GGTA1: variants seen among roughly 807,000 people sequenced by gnomAD.
GGTA1 encodes the protein inactive N-acetyllactosaminide alpha-1,3-galactosyltransferase.
A neutral mutation model predicts 2.6 loss-of-function variants in GGTA1; 5 were observed. That is an observed-to-expected ratio of 1.92 (90% CI 1.00 to 4.04). GGTA1 has a LOEUF of 4.04. Among genes scored for constraint, GGTA1 ranks in the 30% most tolerant of loss-of-function variants. The pLI, the probability that GGTA1 is intolerant of heterozygous loss-of-function variation, is 0.00. For synonymous variants in GGTA1, 17 were observed against 5.0 expected (o/e 3.38, Z -3.19); for missense variants, 50 against 16.7 (o/e 2.99, Z -3.47).
intron 5 of GGTA1, among the ~76,000 whole-genome samples, chr9:121,458,614 A>G (rs759909423): frequency 1.7e-4 from 24 of 145,038 alleles, no homozygotes; most frequent in Middle Eastern, 6.9e-3. Flanking sequence ...TGGCAGAATG[A>G]GACCCTGTCT....
intron 1 of GGTA1, among the ~76,000 whole-genome samples, chr9:121,478,412 A>G (rs1453312420): frequency 2.6e-5 from 4 of 152,188 alleles, no homozygotes; most frequent in African/African-American, 4.8e-5. Context: ...GCAAAGGGGC[A>G]TAGCTTGCCA....
chr9:121,499,032 A>G (rs937324137), intron 1 of GGTA1, among the ~76,000 whole-genome samples: 3 of 151,806 alleles, frequency 2.0e-5, no homozygotes, highest in Non-Finnish European at 2.9e-5. Context: ...CCCGCCTCCC[A>G]TCGCCCCAGT....
chr9:121,448,761 AC>A (rs1490630236), intron 7 of GGTA1, among the ~76,000 whole-genome samples: 3 of 152,122 alleles, frequency 2.0e-5, no homozygotes, highest in Non-Finnish European at 4.4e-5. Context: ...TCCACTATCA[AC>A]ATCCCTGCAC....
chr9:121,464,988 C>CCAA (rs2064992341), intron 2 of GGTA1, among the ~76,000 whole-genome samples: 1 of 121,854 alleles, frequency 8.2e-6, no homozygotes, highest in African/African-American at 3.0e-5. Context: ...CGTAAAGTGG[C>CCAA]AAAAAAACAA....
intron 5 of GGTA1, among the ~76,000 whole-genome samples, chr9:121,458,533 G>A (rs907898233): frequency 2.0e-5 from 3 of 151,870 alleles, no homozygotes; most frequent in Non-Finnish European, 2.9e-5. Context: ...AGGCTGAGGC[G>A]GGAGGATCAC....
chr9:121,455,729 C>T lies in GGTA1; in HGVS notation c.*108G>A, dbSNP rs189423816. 2.6e-6 allele frequency: 1 copy of T among 390,974 alleles called. No homozygotes were observed. Among genetic ancestry groups the T allele is most frequent in the Non-Finnish European group, 5.1e-6 (1 of 195,104 alleles). 24.2% of individuals were successfully genotyped at this position (390,974 alleles called of 1,614,324 possible). ...CCCCTTGAGAATCTCGCAGTCCCAA[C>T]AGGTGGTCCGCCTGTTACACACTCC... On this transcript the variant is annotated 3_prime_UTR_variant, in exon 6 of 6. Coordinates refer to ENST00000481799, the MANE Select transcript of GGTA1 (RefSeq NM_001382585.1).
At chr9:121,456,065 T>A (rs1369341011) in intron 5 of GGTA1, among the ~76,000 whole-genome samples, 2 of 150,426 alleles carry the variant, frequency 1.3e-5, no homozygotes, top group African/African-American at 2.5e-5. Flanking sequence ...CATCAAGGAG[T>A]CTTAGTCATC....
chr9:121,463,578 C>T (rs913090264), intron 2 of GGTA1, among the ~76,000 whole-genome samples: 3 of 152,160 alleles, frequency 2.0e-5, no homozygotes, highest in East Asian at 1.9e-4. Context: ...ATTGTAGAGA[C>T]GGGGTTTTGT....
At chr9:121,456,923 C>T (rs1426040696) in intron 5 of GGTA1, among the ~76,000 whole-genome samples, 3 of 152,084 alleles carry the variant, frequency 2.0e-5, no homozygotes, top group African/African-American at 7.2e-5. Flanking sequence ...CCTCCTGCCT[C>T]AGCCTCCCAA....
intron 5 of GGTA1, among the ~76,000 whole-genome samples, chr9:121,456,439 A>T (rs1024709523): frequency 6.6e-6 from 1 of 151,088 alleles, no homozygotes; most frequent in East Asian, 1.9e-4. Context: ...TTTTTTTCAG[A>T]CGGAGTTTGG....
chr9:121,479,879 A>G (rs552186535), intron 1 of GGTA1, among the ~76,000 whole-genome samples: 44 of 151,994 alleles, frequency 2.9e-4, no homozygotes, highest in Non-Finnish European at 5.0e-4. Flanking sequence ...ATGTTACGGG[A>G]TCTCCCACAG....
At chr9:121,470,625 G>T (rs1301815116) in intron 1 of GGTA1, among the ~76,000 whole-genome samples, 2 of 152,216 alleles carry the variant, frequency 1.3e-5, no homozygotes, top group Non-Finnish European at 2.9e-5. Flanking sequence ...GACAGTGAAA[G>T]ACATCAGACC....
chr9:121,446,166 C>G (rs950920216), exon 8 of GGTA1: 6 of 152,252 alleles, frequency 3.9e-5, no homozygotes, highest in Non-Finnish European at 7.3e-5. Flanking sequence ...AACCCCATAC[C>G]CTAAGTGCCC....
chr9:121,455,652 T>C lies in GGTA1; in HGVS notation c.*185A>G. ...CCACATTTCCCAGTTCCCTGCTCTA[T>C]ACCAGGTCATCCTGCTAAGCGCTGA... On this transcript the variant is annotated 3_prime_UTR_variant, in exon 6 of 6. Coordinates refer to ENST00000481799, the MANE Select transcript of GGTA1 (RefSeq NM_001382585.1). 3.6e-6 allele frequency: 1 copy of C among 277,286 alleles called. No individual in the cohort carries two copies. The highest frequency in any genetic ancestry group is 7.3e-6 in the Non-Finnish European group (1 of 136,312). The allele number at this position is 277,286 out of a possible 1,614,324, so 17.2% of individuals were successfully genotyped here.
At chr9:121,487,804 A>G (rs906609573) in intron 1 of GGTA1, among the ~76,000 whole-genome samples, 2 of 151,772 alleles carry the variant, frequency 1.3e-5, no homozygotes, top group East Asian at 3.9e-4. Flanking sequence ...CAACCTCCAC[A>G]TCCTGGGTTA....
intron 5 of GGTA1, among the ~76,000 whole-genome samples, chr9:121,459,598 C>A (rs2064942957): frequency 6.6e-6 from 1 of 152,170 alleles, no homozygotes; most frequent in African/African-American, 2.4e-5. Flanking sequence ...CATCCACATG[C>A]ATTCCTAATG....
At chr9:121,446,649 C>G (rs2064853572) in exon 8 of GGTA1, 1 of 152,142 alleles carries the variant, frequency 6.6e-6, no homozygotes, top group Non-Finnish European at 1.5e-5. Context: ...CTGCCTATGA[C>G]AAGTTATTTT....
At chr9:121,490,689 A>G in intron 1 of GGTA1, among the ~76,000 whole-genome samples, 1 of 152,202 alleles carries the variant, frequency 6.6e-6, no homozygotes, top group African/African-American at 2.4e-5. Flanking sequence ...CAAGAGCTAG[A>G]ATTAGCTCCT....
At chr9:121,483,896 A>G (rs1828703409) in intron 1 of GGTA1, among the ~76,000 whole-genome samples, 1 of 152,212 alleles carries the variant, frequency 6.6e-6, no homozygotes, top group Non-Finnish European at 1.5e-5. Context: ...AGTTGTTGCT[A>G]TTCATTTAAT....
Sources: allele counts gnomAD v4.1 joint callset (sites outside exome capture counted in the v4.1 genomes callset), GRCh38; gene constraint gnomAD v4.1.1; transcripts MANE v1.5; gene names NCBI Gene and HGNC (gene_info 2026-07-23, HGNC 2026-07-21).